ING2: variants seen among roughly 807,000 people sequenced by gnomAD.
The protein encoded by ING2 is inhibitor of growth protein 2.
In ING2, 7 loss-of-function variants were observed where a neutral mutation model predicts 30.6. That is an observed-to-expected ratio of 0.23 (90% CI 0.13 to 0.43). ING2 has a LOEUF of 0.43. ING2 is among the 20% of genes least tolerant of loss of function. The pLI is 1.00. For missense variants in ING2, 239 were observed against 334.9 expected (o/e 0.71, Z 2.24); for synonymous variants, 136 against 121.7 (o/e 1.12, Z -0.78).
At chr4:183,510,195 T>C (rs1734789575) in intron 1 of ING2, 87 bp from the exon 2 acceptor site, 7 of 993,374 alleles carry the variant, frequency 7.0e-6, no homozygotes, top group East Asian at 2.4e-5. Context: ...TGAGTTCTAA[T>C]TTCAATTCTG....
chr4:183,510,587 A>G lies in ING2; in HGVS notation c.478A>G (p.Ser160Gly). 1.2e-6 allele frequency: 2 copies of G among 1,614,112 alleles called. No individual in the cohort carries two copies. Among genetic ancestry groups the G allele is most frequent in the Non-Finnish European group, 1.7e-6 (2 of 1,180,034 alleles). Residue 160 changes from serine (S) to glycine (G), a missense_variant, in exon 2 of 2, where the codon AGC (serine) becomes GGC (glycine). Transcript: ENST00000302327. ...ACCCCGCAGGCAGCGGACCAGTGAA[A>G]GCCGTGATTTATGTCACATGGCAAA... is the stretch of plus-strand genomic sequence containing the variant. ...RRPRRQRTSE[S>G]RDLCHMANGI...
chr4:183,509,950 G>T (rs1560970758), intron 1 of ING2, among the ~76,000 whole-genome samples: 1 of 150,818 alleles, frequency 6.6e-6, no homozygotes, highest in East Asian at 1.9e-4. Flanking sequence ...TGGCCAGGTT[G>T]GTCTTGAACT....
rs752052254 is a variant in ING2 at position 183,505,216 on chromosome 4, G to T, written c.21G>T (p.Gln7His). 1.2e-6 allele frequency: 2 copies of T among 1,601,508 alleles called. No homozygotes were observed. The highest frequency in any genetic ancestry group is 1.7e-6 in the Non-Finnish European group (2 of 1,175,264). The change falls in exon 1 of 2, where the codon CAG becomes CAT. Residue 7 changes from glutamine (Q) to histidine (H), a missense_variant. Physicochemically the swap from Gln to His is conservative, Grantham distance 24. Transcript: ENST00000302327. MLGQQQQQLYSSAALLT... is the reference protein window; with the variant it reads MLGQQQHQLYSSAALLT... ...GCAGGATGTTAGGGCAGCAGCAGCA[G>T]CAACTGTACTCGTCGGCCGCGCTCC...
rs1734611900 is a variant in ING2, at chr4:183,505,423, G to C, written c.172+56G>C. The C allele has an allele frequency of 9.7e-6, 14 of 1,446,400 alleles. No homozygotes were observed. In the South Asian group the frequency reaches 1.6e-4, roughly 16 times the overall value. 89.6% of individuals were successfully genotyped at this position (1,446,400 alleles called of 1,614,324 possible). ...GCCGGTGGCGGGGAGCCTGTCCGGGGGAGTGCCACCTTCCCTTTCTCCCGT... is the reference window on the plus strand; with the variant it reads ...GCCGGTGGCGGGGAGCCTGTCCGGGCGAGTGCCACCTTCCCTTTCTCCCGT... On this transcript the variant is annotated intron_variant, in intron 1 of 1. Coordinates refer to ENST00000302327, the MANE Select transcript of ING2 (RefSeq NM_001564.4).
chr4:183,512,233 T>A lies in ING2; in HGVS notation c.*1281T>A, dbSNP rs534560871. Among the ~76,000 whole-genome samples, 1 of 151,040 alleles carries A rather than the reference T, an allele frequency of 6.6e-6. No homozygotes were observed. Among genetic ancestry groups the A allele is most frequent in the Non-Finnish European group, 1.5e-5 (1 of 67,672 alleles). On this transcript the variant is annotated 3_prime_UTR_variant, in exon 2 of 2. Coordinates refer to ENST00000302327, the MANE Select transcript of ING2 (RefSeq NM_001564.4). ...GATTAACATGAAAAATCCTGTCTGC[T>A]TGTTTTGGGAAAAAAAAATGCTTTT...
At chr4:183,506,337 G>C (rs1303315181) in intron 1 of ING2, 1 of 1,297,654 alleles carries the variant, frequency 7.7e-7, no homozygotes, top group African/African-American at 1.5e-5. Flanking sequence ...CGGGACATGT[G>C]TCACTTCCGG....
rs1734799133 is a variant in ING2 at position 183,510,576 on chromosome 4, G to A, written c.467G>A (p.Arg156Gln). 3 of 1,614,020 alleles carry A rather than the reference G, an allele frequency of 1.9e-6. No individual in the cohort carries two copies. Among genetic ancestry groups the A allele is most frequent in the South Asian group, 1.1e-5 (1 of 91,082 alleles). ...ERSSRRPRRQ[R>Q]TSESRDLCHM... ...TCTTCAAGAAGACCCCGCAGGCAGC[G>A]GACCAGTGAAAGCCGTGATTTATGT... is the stretch of plus-strand genomic sequence containing the variant. The change falls in exon 2 of 2, where the codon CGG (arginine) becomes CAG (glutamine). Residue 156 changes from arginine to glutamine, a missense_variant. Coordinates refer to ENST00000302327, the MANE Select transcript of ING2 (RefSeq NM_001564.4).
rs1187936885 is a variant in ING2 at position 183,510,615 on chromosome 4, G to A, written c.506G>A (p.Gly169Glu). 1.2e-6 allele frequency: 2 copies of A among 1,613,924 alleles called. No homozygotes were observed. The highest frequency in any genetic ancestry group is 8.5e-7 in the Non-Finnish European group (1 of 1,180,016). ...CGTGATTTATGTCACATGGCAAATG[G>A]GATTGAAGACTGTGATGATCAGCCA... ...ESRDLCHMAN[G>E]IEDCDDQPPK... Residue 169 changes from glycine to glutamate, a missense_variant, in exon 2 of 2, where the codon GGG (glycine) becomes GAG (glutamate). This residue lies in a region of ING2 where 115 missense variants were observed against 120.1 expected (regional missense o/e 0.96). Coordinates refer to ENST00000302327, the MANE Select transcript of ING2 (RefSeq NM_001564.4).
chr4:183,505,841 GCC>G (rs1284448237), intron 1 of ING2, among the ~76,000 whole-genome samples: 1 of 151,990 alleles, frequency 6.6e-6, no homozygotes, highest in Non-Finnish European at 1.5e-5. Context: ...GGGGCGAGAG[GCC>G]GCGGAGGCGG....
Position 183,510,403 on chromosome 4 carries a change from T to C in ING2, c.294T>C (p.Asp98=). 1 of 1,613,980 alleles carries C rather than the reference T, an allele frequency of 6.2e-7. No homozygotes were observed. Among genetic ancestry groups the C allele is most frequent in the Non-Finnish European group, 8.5e-7 (1 of 1,180,002 alleles). The part of the protein sequence containing the change: ...RALINSQELG[D]EKIQIVTQML... ...TAATTAATAGTCAAGAATTGGGAGATGAAAAAATACAGATTGTTACACAAA... is the reference window on the plus strand; with the variant it reads ...TAATTAATAGTCAAGAATTGGGAGACGAAAAAATACAGATTGTTACACAAA... Residue 98 remains aspartate (D), a synonymous_variant, in exon 2 of 2, where the codon GAT becomes GAC. Coordinates refer to ENST00000302327, the MANE Select transcript of ING2 (RefSeq NM_001564.4).
At position 183,510,804 on chromosome 4, in the gene ING2, A is replaced by G; in HGVS notation, c.695A>G (p.Gln232Arg). 6.2e-7 allele frequency: 1 copy of G among 1,614,246 alleles called. No homozygotes were observed. The highest frequency in any genetic ancestry group is 8.5e-7 in the Non-Finnish European group (1 of 1,180,038). Residue 232 changes from glutamine (Q) to arginine (R), a missense_variant, in exon 2 of 2, where the codon CAG becomes CGG. By Grantham distance (43) the Gln-to-Arg change is conservative. This residue lies in a region of ING2 where 22 missense variants were observed against 77.0 expected (regional missense o/e 0.29). Transcript: ENST00000302327. ...YGEMIGCDNE[Q>R]CPIEWFHFSC... ...GAGATGATAGGATGTGACAATGAAC[A>G]GTGTCCAATTGAATGGTTTCACTTT...
chr4:183,506,791 A>AG (rs752206377), intron 1 of ING2, among the ~76,000 whole-genome samples: 6 of 77,654 alleles, frequency 7.7e-5, no homozygotes, highest in Non-Finnish European at 1.5e-4. Context: ...GTGTTTGGGG[A>AG]GGGGGTGGGG....
At chr4:183,505,703 C>T (rs1734619647) in intron 1 of ING2, among the ~76,000 whole-genome samples, 1 of 151,706 alleles carries the variant, frequency 6.6e-6, no homozygotes. Context: ...CGGCCCCGGC[C>T]CGGGACTGCA....
chr4:183,507,533 T>C lies in ING2; in HGVS notation c.172+2166T>C, dbSNP rs144618710. 9.7e-4 allele frequency among the ~76,000 whole-genome samples: 147 copies of C among 152,314 alleles called. 1 individual carries two copies. The highest frequency in any genetic ancestry group is 3.2e-3 in the African/African-American group (133 of 41,552). On this transcript the variant is annotated intron_variant, in intron 1 of 1. Transcript: ENST00000302327. ...CGGATCATCTATAATTGTCAGGTAT[T>C]AATAGCTCTGGTAACATTAGTAATA...
chr4:183,507,896 G>C (rs1734716195), intron 1 of ING2, among the ~76,000 whole-genome samples: 1 of 152,080 alleles, frequency 6.6e-6, no homozygotes, highest in African/African-American at 2.4e-5. Context: ...TTTCACAATT[G>C]AAGTACTTAT....
chr4:183,507,226 G>T (rs950632830), intron 1 of ING2, among the ~76,000 whole-genome samples: 6 of 152,066 alleles, frequency 3.9e-5, no homozygotes, highest in Admixed American at 3.3e-4. Context: ...TCAGCCTCCC[G>T]AGTAGCTGGG....
At chr4:183,509,732 GCCT>G (rs1193225467) in intron 1 of ING2, among the ~76,000 whole-genome samples, 2 of 130,966 alleles carry the variant, frequency 1.5e-5, no homozygotes, top group Admixed American at 1.6e-4. Flanking sequence ...ACCGCGCCTG[GCCT>G]TTTTTTTTTT....
chr4:183,507,810 A>AT (rs1734713050), intron 1 of ING2, among the ~76,000 whole-genome samples: 1 of 152,180 alleles, frequency 6.6e-6, no homozygotes, highest in Non-Finnish European at 1.5e-5. Context: ...AGGCAGTCAA[A>AT]TTTCTTTCTA....
intron 1 of ING2, among the ~76,000 whole-genome samples, chr4:183,505,599 G>A (rs1463736163): frequency 6.6e-6 from 1 of 152,112 alleles, no homozygotes; most frequent in Non-Finnish European, 1.5e-5. Context: ...CCCCGCTGCA[G>A]ACCCAGCGGC....
Sources: allele counts gnomAD v4.1 joint callset (sites outside exome capture counted in the v4.1 genomes callset), GRCh38; gene constraint gnomAD v4.1.1; regional missense constraint gnomAD v4.1.1; transcripts MANE v1.5; gene names NCBI Gene and HGNC (gene_info 2026-07-23, HGNC 2026-07-21).